SLC20A2: variants seen among roughly 807,000 people sequenced by gnomAD.
SLC20A2 encodes sodium-dependent phosphate transporter 2.
In SLC20A2, 30 loss-of-function variants were observed where a neutral mutation model predicts 61.0. The ratio of observed to expected loss-of-function variants is 0.49; its 90% CI spans 0.37 to 0.67. The LOEUF is 0.67. Ranked by LOEUF, SLC20A2 falls within the 30% of genes least tolerant of loss-of-function variation. SLC20A2 has a pLI of 0.00. For synonymous variants in SLC20A2, 351 were observed against 353.3 expected (o/e 0.99, Z 0.07); for missense variants, 626 against 866.4 (o/e 0.72, Z 3.48).
At chr8:42,513,233 A>C (rs900760724) in intron 1 of SLC20A2, among the ~76,000 whole-genome samples, 4 of 152,174 alleles carry the variant, frequency 2.6e-5, no homozygotes, top group Non-Finnish European at 5.9e-5. Context: ...GAAACATATA[A>C]CGTCTGGAGA....
intron 5 of SLC20A2, among the ~76,000 whole-genome samples, chr8:42,456,343 T>G (rs545398909): frequency 6.6e-6 from 1 of 152,202 alleles, no homozygotes; most frequent in African/African-American, 2.4e-5. Context: ...CAGCTTTCAC[T>G]GGCTCAGTCT....
chr8:42,479,297 C>G (rs28608525), intron 1 of SLC20A2, among the ~76,000 whole-genome samples: 4,988 of 152,234 alleles, frequency 0.033, 264 homozygotes, highest in African/African-American at 0.11. Context: ...AAGTTCTGGG[C>G]ACTTCATAGA....
chr8:42,474,361 A>G (rs1807890662), intron 1 of SLC20A2, among the ~76,000 whole-genome samples: 1 of 152,178 alleles, frequency 6.6e-6, no homozygotes, highest in Non-Finnish European at 1.5e-5. Context: ...AGCATCATCG[A>G]TGTGCAATGC....
intron 10 of SLC20A2, 110 bp from the exon 11 acceptor site, chr8:42,418,077 C>T (rs1802794279): frequency 1.3e-6 from 1 of 788,716 alleles, no homozygotes; most frequent in Non-Finnish European, 2.0e-6. Flanking sequence ...ATTACCCAGT[C>T]CCCTACATTT....
chr8:42,464,578 G>T (rs1244919467), intron 3 of SLC20A2, among the ~76,000 whole-genome samples: 1 of 152,092 alleles, frequency 6.6e-6, no homozygotes, highest in Non-Finnish European at 1.5e-5. Flanking sequence ...TACCTGCCTG[G>T]GAAGAACAGA....
chr8:42,519,273 G>T (rs1030182310), intron 1 of SLC20A2, among the ~76,000 whole-genome samples: 1 of 152,020 alleles, frequency 6.6e-6, no homozygotes, highest in Admixed American at 6.6e-5. Context: ...GTGAAACCCC[G>T]TCTCTACTAA....
intron 1 of SLC20A2, chr8:42,480,585 G>A (rs1416598214): frequency 1.3e-5 from 2 of 152,124 alleles, no homozygotes. Context: ...ATATCCTTTT[G>A]TCTAGTATTG....
chr8:42,449,295 T>C (rs7832529), intron 5 of SLC20A2, among the ~76,000 whole-genome samples: 34,754 of 152,098 alleles, frequency 0.23, 9,316 homozygotes, highest in African/African-American at 0.65. Flanking sequence ...GTTCTCGGTT[T>C]TAGCCACTAA....
chr8:42,524,680 G>C (rs899963028), intron 1 of SLC20A2, among the ~76,000 whole-genome samples: 1 of 151,990 alleles, frequency 6.6e-6, no homozygotes, highest in East Asian at 1.9e-4. Flanking sequence ...CAGCTACTTG[G>C]GAGGCTGAGG....
At chr8:42,452,117 A>G (rs1805753597) in intron 5 of SLC20A2, among the ~76,000 whole-genome samples, 1 of 127,232 alleles carries the variant, frequency 7.9e-6, no homozygotes, top group Admixed American at 7.8e-5. Flanking sequence ...GGAGGAGGAA[A>G]AGATGGAGGA....
At chr8:42,508,590 C>T (rs1337479976) in intron 1 of SLC20A2, among the ~76,000 whole-genome samples, 1 of 152,052 alleles carries the variant, frequency 6.6e-6, no homozygotes, top group Non-Finnish European at 1.5e-5. Flanking sequence ...GGGGTTTCAC[C>T]ATGTTAGCCA....
At chr8:42,498,192 G>A (rs1370060386) in intron 1 of SLC20A2, among the ~76,000 whole-genome samples, 1 of 152,130 alleles carries the variant, frequency 6.6e-6, no homozygotes, top group Admixed American at 6.5e-5. Context: ...ATAGTTTTAG[G>A]TGCAAGTGAA....
At chr8:42,529,666 CAAGACATACATTATG>C (rs1482819330) in intron 1 of SLC20A2, among the ~76,000 whole-genome samples, 1 of 152,182 alleles carries the variant, frequency 6.6e-6, no homozygotes, top group African/African-American at 2.4e-5. Flanking sequence ...TTTCTGCTAA[CAAGACATACATTATG>C]AAGATTACAC....
intron 6 of SLC20A2, among the ~76,000 whole-genome samples, chr8:42,443,304 T>C (rs1300111514): frequency 6.0e-5 from 7 of 116,342 alleles, no homozygotes; most frequent in Admixed American, 1.8e-4. Flanking sequence ...TATATATATA[T>C]ATATAATAAA....
upstream of SLC20A2, among the ~76,000 whole-genome samples, chr8:42,503,335 T>A (rs1810437494): frequency 6.6e-6 from 1 of 152,174 alleles, no homozygotes; most frequent in Non-Finnish European, 1.5e-5. Flanking sequence ...TTTGTTCTCA[T>A]TAATTTTTGG....
At chr8:42,431,140 G>A (rs371498726) in intron 8 of SLC20A2, among the ~76,000 whole-genome samples, 15 of 152,316 alleles carry the variant, frequency 9.8e-5, no homozygotes, top group East Asian at 1.9e-4. Context: ...TGTCAAAATC[G>A]GAGACAGGCC....
At chr8:42,433,414 C>A (rs755605963) in intron 8 of SLC20A2, among the ~76,000 whole-genome samples, 3 of 151,984 alleles carry the variant, frequency 2.0e-5, no homozygotes, top group Non-Finnish European at 2.9e-5. Flanking sequence ...ATATCCTCCA[C>A]CTGGGTTCAA....
At chr8:42,449,219 C>T (rs1362829023) in intron 5 of SLC20A2, among the ~76,000 whole-genome samples, 2 of 152,188 alleles carry the variant, frequency 1.3e-5, no homozygotes, top group Non-Finnish European at 2.9e-5. Context: ...GGCACAGCCT[C>T]AGTGGCTCGT....
chr8:42,492,382 G>A (rs1563520373), intron 1 of SLC20A2, among the ~76,000 whole-genome samples: 1 of 152,148 alleles, frequency 6.6e-6, no homozygotes, highest in Non-Finnish European at 1.5e-5. Flanking sequence ...ACGAAGATCT[G>A]CCCATGCAAG....
Sources: allele counts gnomAD v4.1 joint callset (sites outside exome capture counted in the v4.1 genomes callset), GRCh38; gene constraint gnomAD v4.1.1; transcripts MANE v1.5; gene names NCBI Gene and HGNC (gene_info 2026-07-23, HGNC 2026-07-21).